The following CNTNAP5 variants were observed in gnomAD, a reference collection of about 807,000 sequenced individuals.
The protein encoded by CNTNAP5 is contactin associated protein family member 5, also known as contactin-associated protein-like 5.
Under a neutral mutation model 150.2 loss-of-function variants are expected in CNTNAP5, and 72 were observed. That is an observed-to-expected ratio of 0.48 (90% CI 0.40 to 0.58). The LOEUF is 0.58. Among genes scored for constraint, CNTNAP5 ranks in the 20% least tolerant of loss-of-function variants. CNTNAP5 has a pLI of 0.00. For missense variants in CNTNAP5, 1,636 were observed against 1,626.2 expected, an observed-to-expected ratio of 1.01 and a Z score of -0.10; for synonymous variants, 672 against 619.8, an observed-to-expected ratio of 1.08 and a Z score of -1.25.
At chr2:124,470,843 A>C (rs990567338) in intron 6 of CNTNAP5, among the ~76,000 whole-genome samples, 1 of 151,602 alleles carries the variant, frequency 6.6e-6, no homozygotes, top group African/African-American at 2.4e-5. Flanking sequence ...CCCATTGCTT[A>C]TTTTTGTCAG....
At position 124,838,666 on chromosome 2, in the gene CNTNAP5, C is replaced by T. The variant is rs1489826181; in HGVS notation, c.3218-26640C>T. 2.0e-5 allele frequency among the ~76,000 whole-genome samples: 3 copies of T among 152,114 alleles called. No individual in the cohort carries two copies. The South Asian group carries it at 6.2e-4, about 32-fold the overall frequency. On this transcript the variant is annotated intron_variant, in intron 19 of 23. Coordinates refer to ENST00000682447, the MANE Select transcript of CNTNAP5 (RefSeq NM_001367498.1). ...CCCCCTATTCATAACTCTTAGATCT[C>T]CATTTCCGCTCTTCACTTCTCTCCA...
intron 13 of CNTNAP5, among the ~76,000 whole-genome samples, chr2:124,714,292 G>A (rs926840855): frequency 1.3e-5 from 2 of 152,116 alleles, no homozygotes; most frequent in African/African-American, 4.8e-5. Context: ...CCCTCAAGGA[G>A]CTCAGAAATT....
At chr2:124,317,721 C>A (rs1409539763) in intron 3 of CNTNAP5, among the ~76,000 whole-genome samples, 1 of 152,122 alleles carries the variant, frequency 6.6e-6, no homozygotes, top group African/African-American at 2.4e-5. Context: ...AGTACAGTTG[C>A]CCAATTGCAG....
intron 19 of CNTNAP5, among the ~76,000 whole-genome samples, chr2:124,842,331 C>T (rs1682961694): frequency 6.6e-6 from 1 of 152,078 alleles, no homozygotes. Flanking sequence ...ATACATGCAA[C>T]AGAGACTGAA....
At chr2:124,777,648 G>A (rs1032501074) in intron 17 of CNTNAP5, among the ~76,000 whole-genome samples, 1 of 152,090 alleles carries the variant, frequency 6.6e-6, no homozygotes, top group African/African-American at 2.4e-5. Context: ...CGCCCAGATT[G>A]CTCCCTACTA....
intron 1 of CNTNAP5, among the ~76,000 whole-genome samples, chr2:124,027,855 A>G (rs1225111555): frequency 6.6e-6 from 1 of 152,222 alleles, no homozygotes; most frequent in African/African-American, 2.4e-5. Flanking sequence ...ATAGAACAGC[A>G]GAAAAAAATT....
At chr2:124,422,140 C>A (rs1692119745) in intron 4 of CNTNAP5, among the ~76,000 whole-genome samples, 2 of 152,164 alleles carry the variant, frequency 1.3e-5, no homozygotes, top group African/African-American at 4.8e-5. Flanking sequence ...TCAGCATAGG[C>A]AACAAGGTTC....
At chr2:124,848,940 C>T (rs1683102884) in intron 19 of CNTNAP5, among the ~76,000 whole-genome samples, 4 of 152,070 alleles carry the variant, frequency 2.6e-5, no homozygotes, top group South Asian at 2.1e-4. Context: ...CTCTAGGTCA[C>T]GTTTTCATTT....
At chr2:124,744,181 A>G (rs1383815486) in intron 13 of CNTNAP5, among the ~76,000 whole-genome samples, 4 of 152,080 alleles carry the variant, frequency 2.6e-5, no homozygotes, top group Non-Finnish European at 5.9e-5. Flanking sequence ...TAATTGAATC[A>G]TGGGTGCAAT....
intron 3 of CNTNAP5, among the ~76,000 whole-genome samples, chr2:124,383,437 C>T (rs1690850475): frequency 6.6e-6 from 1 of 152,172 alleles, no homozygotes; most frequent in African/African-American, 2.4e-5. Flanking sequence ...CACCATGAAA[C>T]CTTTCCTGTT....
In CNTNAP5 at chr2:124,912,740, G is replaced by A. The variant is rs544426797; in HGVS notation, c.3727+1202G>A. Among the ~76,000 whole-genome samples the A allele has an allele frequency of 2.0e-3, 300 of 152,136 alleles. 2 individuals carry two copies. Among genetic ancestry groups the A allele is most frequent in the African/African-American group, 6.4e-3 (267 of 41,534 alleles). ...TGCTGACTCCTCTCCAGCTATTTAC[G>A]TGCTCTATGAGTCTCTTTAAGGACA... On this transcript the variant is annotated intron_variant, in intron 23 of 23. Transcript: ENST00000682447.
At chr2:124,574,093 T>G (rs1355649291) in intron 11 of CNTNAP5, among the ~76,000 whole-genome samples, 1 of 152,202 alleles carries the variant, frequency 6.6e-6, no homozygotes, top group Non-Finnish European at 1.5e-5. Flanking sequence ...TTTTTTATAC[T>G]ATAGACTACC....
intron 3 of CNTNAP5, among the ~76,000 whole-genome samples, chr2:124,371,696 G>A (rs1690531071): frequency 6.6e-6 from 1 of 151,864 alleles, no homozygotes; most frequent in African/African-American, 2.4e-5. Flanking sequence ...TAAATGTGGA[G>A]GGAGATATGG....
At chr2:124,707,276 G>T (rs1330559975) in intron 13 of CNTNAP5, among the ~76,000 whole-genome samples, 1 of 152,060 alleles carries the variant, frequency 6.6e-6, no homozygotes, top group East Asian at 1.9e-4. Context: ...TAATGCCCAG[G>T]GTCACCTGGA....
At chr2:124,056,449 C>T (rs1681848487) in intron 1 of CNTNAP5, among the ~76,000 whole-genome samples, 1 of 147,534 alleles carries the variant, frequency 6.8e-6, no homozygotes, top group African/African-American at 2.5e-5. Context: ...ACGGTGAAAC[C>T]CCGTCTATAC....
At chr2:124,291,148 T>A (rs187322722) in intron 3 of CNTNAP5, among the ~76,000 whole-genome samples, 2 of 152,042 alleles carry the variant, frequency 1.3e-5, no homozygotes, top group African/African-American at 2.4e-5. Flanking sequence ...ATTCATATAA[T>A]TTGATTTGCG....
chr2:124,181,782 C>T (rs10169719), intron 1 of CNTNAP5, among the ~76,000 whole-genome samples: 9,026 of 152,204 alleles, frequency 0.059, 395 homozygotes, highest in African/African-American at 0.12. Flanking sequence ...ATTATAAATG[C>T]GCTCTGAGAT....
At chr2:124,555,708 CA>C (rs1695737712) in intron 10 of CNTNAP5, among the ~76,000 whole-genome samples, 1 of 152,150 alleles carries the variant, frequency 6.6e-6, no homozygotes, top group South Asian at 2.1e-4. Context: ...TTAACTTACA[CA>C]GGCTCAGGAC....
At chr2:124,426,798 C>T (rs1692248378) in intron 4 of CNTNAP5, among the ~76,000 whole-genome samples, 1 of 152,182 alleles carries the variant, frequency 6.6e-6, no homozygotes, top group South Asian at 2.1e-4. Context: ...TCTCAGAAAA[C>T]AAGCTGTGGC....
Sources: allele counts gnomAD v4.1 joint callset (sites outside exome capture counted in the v4.1 genomes callset), GRCh38; gene constraint gnomAD v4.1.1; transcripts MANE v1.5; gene names NCBI Gene and HGNC (gene_info 2026-07-23, HGNC 2026-07-21).